Variants in CDC42BPG observed in about 807,000 individuals in gnomAD.
CDC42BPG encodes CDC42 binding protein kinase gamma, also known as serine/threonine-protein kinase MRCK gamma.
A neutral mutation model predicts 192.2 loss-of-function variants in CDC42BPG; 157 were observed. That is an observed-to-expected ratio of 0.82 (90% CI 0.72 to 0.93). CDC42BPG has a LOEUF of 0.93. Ranked by LOEUF, CDC42BPG falls within the 40% of genes least tolerant of loss-of-function variation. The pLI is 0.00. For synonymous variants in CDC42BPG, 981 were observed against 918.5 expected (o/e 1.07, Z -1.23); for missense variants, 1,992 against 2,122.1 (o/e 0.94, Z 1.20).
intron 4 of CDC42BPG, 138 bp downstream of exon 4, chr11:64,840,415 C>G: frequency 7.2e-7 from 1 of 1,395,252 alleles, no homozygotes; most frequent in Non-Finnish European, 9.8e-7. Context: ...GCAGGAGGCG[C>G]CAAGCCCAGG....
chr11:64,840,359 C>T, intron 4 of CDC42BPG, 91 bp from the exon 5 acceptor site: 2 of 1,520,450 alleles, frequency 1.3e-6, no homozygotes, highest in African/African-American at 1.4e-5. Context: ...GGCAGGCCTG[C>T]ATCTCCCAGC....
rs1335448499 is a variant in CDC42BPG at position 64,833,588 on chromosome 11, C to T, written c.2625+12G>A. 1.2e-5 allele frequency: 19 copies of T among 1,603,528 alleles called. No homozygotes were observed. The highest frequency in any genetic ancestry group is 1.6e-5 in the Non-Finnish European group (19 of 1,175,562). ...TGGTGCCCCCACCCTGCTTGCCCCTCTGGGCACTGACCTTAGCAGGAAGAC... is the reference window on the plus strand; with the variant it reads ...TGGTGCCCCCACCCTGCTTGCCCCTTTGGGCACTGACCTTAGCAGGAAGAC... On this transcript the variant is annotated intron_variant, in intron 23 of 36. Coordinates refer to ENST00000342711, the MANE Select transcript of CDC42BPG (RefSeq NM_017525.3).
chr11:64,835,627 G>A lies in CDC42BPG; in HGVS notation c.1759-6C>T, dbSNP rs1380305195. 6.4e-7 allele frequency: 1 copy of A among 1,569,208 alleles called. No homozygotes were observed. Among genetic ancestry groups the A allele is most frequent in the Non-Finnish European group, 8.6e-7 (1 of 1,157,962 alleles). On this transcript the variant is annotated splice_region_variant and splice_polypyrimidine_tract_variant and intron_variant, in intron 14 of 36. Transcript: ENST00000342711. ...TCAGAGGCTGTGTGGATGGTCTTGG[G>A]GACATGGAGGGGGTCAGGGCAGAGA...
At chr11:64,835,017 T>TGGCCCCCCC in intron 17 of CDC42BPG, 30 bp downstream of exon 17, 15 of 1,571,928 alleles carry the variant, frequency 9.5e-6, no homozygotes, top group Non-Finnish European at 1.3e-5. Flanking sequence ...TCGCCTGCGT[T>TGGCCCCCCC]CCCCACCCCG....
chr11:64,834,222 G>A (rs756018348), intron 20 of CDC42BPG, 44 bp downstream of exon 20: 790 of 1,522,382 alleles, frequency 5.2e-4, no homozygotes, highest in Non-Finnish European at 6.8e-4. Context: ...GTGGGAGGCC[G>A]CGGGGGAGCC....
Position 64,833,693 on chromosome 11 carries a change from A to C in CDC42BPG, c.2566-34T>G. 3 of 1,613,036 alleles carry C rather than the reference A, an allele frequency of 1.9e-6. No homozygotes were observed. In the African/African-American group the frequency reaches 4.0e-5, roughly 22 times the overall value. ...GGGCGGGGGAGCAGGTGAGACGGGC[A>C]AGGGCGGGGCCCAGGCCCCCTACGA... On this transcript the variant is annotated intron_variant, in intron 22 of 36. Transcript: ENST00000342711.
At chr11:64,841,769 C>T (rs201414867) in intron 2 of CDC42BPG, 36 bp from the exon 3 acceptor site, 59 of 1,612,752 alleles carry the variant, frequency 3.7e-5, no homozygotes, top group South Asian at 2.5e-4. Context: ...GAGCCCAGCC[C>T]GGTGTGAACA....
At position 64,824,140 on chromosome 11, in the gene CDC42BPG, C is replaced by T; in HGVS notation, c.*333G>A. On this transcript the variant is annotated 3_prime_UTR_variant, in exon 37 of 37. Coordinates refer to ENST00000342711, the MANE Select transcript of CDC42BPG (RefSeq NM_017525.3). ...AGAGACCCAGTCCCTCTCCATCCCT[C>T]ATCCCAACTCTTACAAGCCTCTGGG... The T allele has an allele frequency of 2.6e-6, 1 of 388,620 alleles. No individual in the cohort carries two copies. The highest frequency in any genetic ancestry group is 4.8e-6 in the Non-Finnish European group (1 of 207,106). The allele number at this position is 388,620 out of a possible 1,614,324, so 24.1% of individuals were successfully genotyped here.
At chr11:64,832,373 TG>T in intron 27 of CDC42BPG, 54 bp downstream of exon 27, 1 of 1,559,916 alleles carries the variant, frequency 6.4e-7, no homozygotes, top group African/African-American at 1.4e-5. Flanking sequence ...TGGCCAGAGC[TG>T]GGACAGCATG....
Position 64,840,326 on chromosome 11 carries a change from G to A in CDC42BPG, c.433-58C>T, listed in dbSNP as rs551269388. On this transcript the variant is annotated intron_variant, in intron 4 of 36. Coordinates refer to ENST00000342711, the MANE Select transcript of CDC42BPG (RefSeq NM_017525.3). Reference sequence around the variant, plus strand: ...GAAGGGTGCACCTGGCCACTTCACCGCGGTCCCGCAGGGCTCTGGGAAGGC... The same window carrying A: ...GAAGGGTGCACCTGGCCACTTCACCACGGTCCCGCAGGGCTCTGGGAAGGC... 5.1e-4 allele frequency: 807 copies of A among 1,585,372 alleles called. 1 individual carries two copies. The highest frequency in any genetic ancestry group is 6.6e-4 in the Admixed American group (39 of 59,094).
chr11:64,834,667 C>T (rs1942886724), intron 18 of CDC42BPG, 90 bp from the exon 19 acceptor site: 2 of 1,443,032 alleles, frequency 1.4e-6, no homozygotes, highest in Non-Finnish European at 1.8e-6. Flanking sequence ...CTACCCATGC[C>T]ACCCAGCCAG....
At chr11:64,830,642 G>T (rs1174278444) in intron 28 of CDC42BPG, among the ~76,000 whole-genome samples, 1 of 152,206 alleles carries the variant, frequency 6.6e-6, no homozygotes, top group East Asian at 1.9e-4. Context: ...CTGCTCCAGG[G>T]ACCCGCACAA....
chr11:64,824,127 C>T lies in CDC42BPG; in HGVS notation c.*346G>A, dbSNP rs757423536. The T allele has an allele frequency of 3.6e-5, 13 of 363,960 alleles. No individual in the cohort carries two copies. Among genetic ancestry groups the T allele is most frequent in the South Asian group, 1.2e-4 (5 of 40,384 alleles). The allele number at this position is 363,960 out of a possible 1,614,324, so 22.5% of individuals were successfully genotyped here. Reference sequence around the variant, plus strand: ...CCAACCTGTTCCCAGAGACCCAGTCCCTCTCCATCCCTCATCCCAACTCTT... The same window carrying T: ...CCAACCTGTTCCCAGAGACCCAGTCTCTCTCCATCCCTCATCCCAACTCTT... On this transcript the variant is annotated 3_prime_UTR_variant, in exon 37 of 37. Coordinates refer to ENST00000342711, the MANE Select transcript of CDC42BPG (RefSeq NM_017525.3).
chr11:64,831,820 T>G, intron 27 of CDC42BPG, 99 bp from the exon 28 acceptor site: 1 of 1,078,326 alleles, frequency 9.3e-7, no homozygotes. Flanking sequence ...GGGCCTAGCG[T>G]GCACTGTCAG....
At position 64,836,897 on chromosome 11, in the gene CDC42BPG, GGCCCGGCCCAGCC is replaced by G; in HGVS notation, c.1303+12_1303+24del. 6.2e-7 allele frequency: 1 copy of G among 1,611,862 alleles called. No individual in the cohort carries two copies. The highest frequency in any genetic ancestry group is 8.5e-7 in the Non-Finnish European group (1 of 1,178,584). ...GCAGCCCCTAGGGCCAGCACACCCA[GGCCCGGCCCAGCC>G]GCTCCCAGTACCTTGGTGCTTCCTG... On this transcript the variant is annotated intron_variant, in intron 10 of 36. Transcript: ENST00000342711.
intron 28 of CDC42BPG, among the ~76,000 whole-genome samples, chr11:64,831,137 G>C (rs1245832872): frequency 6.6e-6 from 1 of 151,966 alleles, no homozygotes; most frequent in Non-Finnish European, 1.5e-5. Flanking sequence ...AGAATCGCTT[G>C]AATCTGGGAG....
At position 64,827,509 on chromosome 11, in the gene CDC42BPG, A is replaced by G. The variant is rs999647765; in HGVS notation, c.4150+18T>C. On this transcript the variant is annotated intron_variant, in intron 32 of 36. Transcript: ENST00000342711. Reference sequence around the variant, plus strand: ...CGCACTGGGGAACGCACACACCCGTACACACGCACTCCCTCACCTGCCAGC... The same window carrying G: ...CGCACTGGGGAACGCACACACCCGTGCACACGCACTCCCTCACCTGCCAGC... 5 of 1,611,170 alleles carry G rather than the reference A, an allele frequency of 3.1e-6. No homozygotes were observed. The highest frequency in any genetic ancestry group is 1.7e-5 in the Admixed American group (1 of 59,866).
chr11:64,836,722 G>GGGGGGGGGGA lies in CDC42BPG; in HGVS notation c.1384+16_1384+17insTCCCCCCCCC. 2 of 859,760 alleles carry GGGGGGGGGGA rather than the reference G, an allele frequency of 2.3e-6. No homozygotes were observed. The highest frequency in any genetic ancestry group is 1.8e-5 in the South Asian group (1 of 54,598). 53.3% of individuals were successfully genotyped at this position (859,760 alleles called of 1,614,324 possible). A position where few individuals can be genotyped will look rare whatever the true frequency, so the allele number is the denominator to read the frequency against. ...ACTCAGCCCTGGGGGGGGGGGGGGGGTGGGCGGAAGGGATACCTGGCAGCC... is the reference window on the plus strand; with the variant it reads ...ACTCAGCCCTGGGGGGGGGGGGGGGGGGGGGGGGGATGGGCGGAAGGGATACCTGGCAGCC... On this transcript the variant is annotated intron_variant, in intron 11 of 36. Transcript: ENST00000342711.
In CDC42BPG at chr11:64,839,232, A is replaced by T. The variant is rs1426028060; in HGVS notation, c.677T>A (p.Val226Glu). Residue 226 changes from valine to glutamate, a missense_variant and splice_region_variant, in exon 7 of 37, where the codon GTG (valine) becomes GAG (glutamate). By Grantham distance (121) the Val-to-Glu change is moderately radical. This residue lies in a region of CDC42BPG where 1,656 missense variants were observed against 1,844.3 expected (regional missense o/e 0.90). Coordinates refer to ENST00000342711, the MANE Select transcript of CDC42BPG (RefSeq NM_017525.3). ...SCLRLNTNGM[V>E]DSSVAVGTPD... is the part of the protein sequence containing the mutation. ...CGTCCCTACTGCCACTGATGAATCCACCTGTGGGTGGTGGTGGTGAAGCCA... is the reference window on the plus strand; with the variant it reads ...CGTCCCTACTGCCACTGATGAATCCTCCTGTGGGTGGTGGTGGTGAAGCCA... 3 of 1,612,952 alleles carry T rather than the reference A, an allele frequency of 1.9e-6. No homozygotes were observed. In the South Asian group the frequency reaches 3.3e-5, roughly 18 times the overall value.
Sources: gnomAD v4.1 joint callset for allele counts (sites outside exome capture counted in the v4.1 genomes callset) on GRCh38, gnomAD v4.1.1 for gene constraint, gnomAD v4.1.1 regional missense constraint, MANE v1.5 for transcripts, NCBI Gene and HGNC (gene_info 2026-07-23, HGNC 2026-07-21) for gene names.